ADGRL2: variants seen among roughly 807,000 people sequenced by gnomAD.
ADGRL2 encodes the protein adhesion G protein-coupled receptor L2.
In ADGRL2, 44 loss-of-function variants were observed where a neutral mutation model predicts 157.4. The ratio of observed to expected loss-of-function variants is 0.28; its 90% CI spans 0.22 to 0.36. The LOEUF is 0.36. ADGRL2 is among the 10% of genes least tolerant of loss of function. The pLI, the probability that ADGRL2 is intolerant of heterozygous loss-of-function variation, is 1.00. For synonymous variants in ADGRL2, 585 were observed against 624.7 expected, an observed-to-expected ratio of 0.94 and a Z score of 0.95; for missense variants, 1,510 against 1,768.9, an observed-to-expected ratio of 0.85 and a Z score of 2.63.
rs551744211 is a variant in ADGRL2, at chr1:81,417,277, C to T, written c.-301-27759C>T. On this transcript the variant is annotated intron_variant, in intron 1 of 24. Transcript: ENST00000370721. ...TCACATTTTAATCATAAGAAAAATA[C>T]TTTAATTGCTATTATGTGACTCCTA... is the stretch of plus-strand genomic sequence containing the variant. 7.2e-5 allele frequency among the ~76,000 whole-genome samples: 11 copies of T among 152,086 alleles called. 1 individual carries two copies. The South Asian group carries it at 2.1e-3, about 29-fold the overall frequency.
intron 2 of ADGRL2, among the ~76,000 whole-genome samples, chr1:81,538,258 C>A (rs895889613): frequency 6.6e-6 from 1 of 151,946 alleles, no homozygotes; most frequent in Non-Finnish European, 1.5e-5. Flanking sequence ...CAGGTTAGTT[C>A]CCACTCACGT....
At chr1:81,783,130 T>C (rs2086885804) in intron 2 of ADGRL2, among the ~76,000 whole-genome samples, 1 of 152,122 alleles carries the variant, frequency 6.6e-6, no homozygotes, top group African/African-American at 2.4e-5. Flanking sequence ...TTGCTATTTA[T>C]TTATTTATTT....
In ADGRL2 at chr1:81,935,232, A is replaced by G. The variant is rs553099567; in HGVS notation, c.288-1496A>G. Among the ~76,000 whole-genome samples, 298 of 152,056 alleles carry G rather than the reference A, an allele frequency of 2.0e-3. 4 individuals are homozygous for G. The highest frequency in any genetic ancestry group is 6.9e-3 in the African/African-American group (285 of 41,544). ...AAATACAGAATAATGACAGGAAAAC[A>G]TATGTTACAGAAGATTGTGACACTA... On this transcript the variant is annotated intron_variant, in intron 3 of 23. Transcript: ENST00000686636.
chr1:81,849,199 T>C (rs1571652109), intron 2 of ADGRL2, among the ~76,000 whole-genome samples: 1 of 151,896 alleles, frequency 6.6e-6, no homozygotes, highest in East Asian at 1.9e-4. Flanking sequence ...ACTGATTGAG[T>C]GGAAAACCTT....
At chr1:81,980,765 T>C in intron 18 of ADGRL2, 1 of 664,578 alleles carries the variant, frequency 1.5e-6, no homozygotes, top group Non-Finnish European at 2.8e-6. Context: ...TTTCTTCCTT[T>C]TCCTCTTTCT....
At chr1:81,596,528 C>A (rs927233984) in intron 3 of ADGRL2, 2 of 367,040 alleles carry the variant, frequency 5.4e-6, no homozygotes, top group Non-Finnish European at 1.1e-5. Context: ...GGCTCCCTGA[C>A]CGACTTGTTC....
chr1:81,484,923 A>G (rs1234596237), intron 2 of ADGRL2, among the ~76,000 whole-genome samples: 2 of 152,128 alleles, frequency 1.3e-5, no homozygotes, highest in African/African-American at 2.4e-5. Flanking sequence ...TGTTTACAAA[A>G]TCCAGTTTTG....
At chr1:81,939,795 G>A (rs1647237013) in intron 4 of ADGRL2, among the ~76,000 whole-genome samples, 1 of 151,314 alleles carries the variant, frequency 6.6e-6, no homozygotes, top group Admixed American at 6.6e-5. Flanking sequence ...TCTACTGATA[G>A]AATTTTGGCT....
intron 3 of ADGRL2, among the ~76,000 whole-genome samples, chr1:81,675,915 T>G (rs373515703): frequency 6.6e-6 from 1 of 151,878 alleles, no homozygotes; most frequent in African/African-American, 2.4e-5. Context: ...TCACGCAAAA[T>G]GAAGGTTTTA....
At chr1:81,961,503 T>A (rs1220959242) in intron 11 of ADGRL2, among the ~76,000 whole-genome samples, 1 of 42,456 alleles carries the variant, frequency 2.4e-5, no homozygotes, top group Non-Finnish European at 4.3e-5. Context: ...TTGTATAATT[T>A]TCTTTCTTTT....
chr1:81,818,095 A>G (rs1369543220), intron 1 of ADGRL2, among the ~76,000 whole-genome samples: 1 of 152,078 alleles, frequency 6.6e-6, no homozygotes, highest in Non-Finnish European at 1.5e-5. Flanking sequence ...GCTTGAGCCC[A>G]TGAGTACGAG....
rs57360565 is a variant in ADGRL2 at position 81,501,811 on chromosome 1, A to AGCAGCAGCAGCAGCAGCAGCAGCAG, written c.-248+56722_-248+56723insGCAGCAGCAGCAGCAGCAGCAGCAG. The stretch of plus-strand genomic sequence containing the variant: ...AGCAGCAGCAGCAGCAGCAGCAGCA[A>AGCAGCAGCAGCAGCAGCAGCAGCAG]CAGCAGCAGCAACAGAAGCAGCCAC... On this transcript the variant is annotated intron_variant, in intron 2 of 24. Transcript: ENST00000370721. The AGCAGCAGCAGCAGCAGCAGCAGCAG allele has an allele frequency of 6.8e-5, 106 of 1,558,468 alleles. No homozygotes were observed. In the Middle Eastern group the frequency reaches 8.6e-4, roughly 13 times the overall value.
chr1:81,770,754 G>A (rs1200670186), intron 2 of ADGRL2, among the ~76,000 whole-genome samples: 6 of 152,142 alleles, frequency 3.9e-5, no homozygotes, highest in Admixed American at 6.5e-5. Context: ...GATTACAGGC[G>A]TGAGCCACAG....
chr1:81,656,088 T>A (rs1422878873), intron 3 of ADGRL2, among the ~76,000 whole-genome samples: 1 of 152,234 alleles, frequency 6.6e-6, no homozygotes, highest in Non-Finnish European at 1.5e-5. Flanking sequence ...TCCCATGATA[T>A]ACTATTGTCT....
chr1:81,521,871 C>T (rs1262093954), intron 2 of ADGRL2, among the ~76,000 whole-genome samples: 1 of 152,250 alleles, frequency 6.6e-6, no homozygotes, highest in South Asian at 2.1e-4. Flanking sequence ...TGTGTATTAA[C>T]CTCTGTCTGC....
chr1:81,893,675 G>A (rs560295160), intron 2 of ADGRL2, among the ~76,000 whole-genome samples: 1 of 152,250 alleles, frequency 6.6e-6, no homozygotes, highest in Non-Finnish European at 1.5e-5. Flanking sequence ...CTACCGTGCT[G>A]TTCCTTAGTT....
chr1:81,461,993 G>C (rs941151663), intron 2 of ADGRL2, among the ~76,000 whole-genome samples: 1 of 150,032 alleles, frequency 6.7e-6, no homozygotes, highest in African/African-American at 2.4e-5. Flanking sequence ...AGAGTGACAT[G>C]TGAAGCCAGC....
intron 2 of ADGRL2, among the ~76,000 whole-genome samples, chr1:81,500,783 A>G (rs2078829185): frequency 6.6e-6 from 1 of 152,188 alleles, no homozygotes; most frequent in South Asian, 2.1e-4. Context: ...AAATGTACTT[A>G]TTGTCACTGA....
intron 2 of ADGRL2, among the ~76,000 whole-genome samples, chr1:81,461,590 T>C (rs192927930): frequency 6.6e-6 from 1 of 152,338 alleles, no homozygotes; most frequent in Non-Finnish European, 1.5e-5. Flanking sequence ...GATCTTGTTT[T>C]ATCTTTTCGA....
Sources: allele counts gnomAD v4.1 joint callset (sites outside exome capture counted in the v4.1 genomes callset), GRCh38; gene constraint gnomAD v4.1.1; transcripts MANE v1.5; gene names NCBI Gene and HGNC (gene_info 2026-07-23, HGNC 2026-07-21).